ATP8B2: variants seen among roughly 807,000 people sequenced by gnomAD.
ATP8B2 encodes the protein phospholipid-transporting ATPase ID.
A neutral mutation model predicts 133.4 loss-of-function variants in ATP8B2; 70 were observed. That is an observed-to-expected ratio of 0.52 (90% confidence interval 0.43 to 0.64). ATP8B2 has a LOEUF of 0.64. ATP8B2 is among the 30% of genes least tolerant of loss of function. The pLI is 0.00. For missense variants in ATP8B2, 1,101 were observed against 1,535.7 expected (o/e 0.72, Z 4.73); for synonymous variants, 517 against 589.5 (o/e 0.88, Z 1.78).
chr1:154,328,432 C>A lies in ATP8B2; in HGVS notation c.31+260C>A, dbSNP rs942671313. ...TCTTATCTTCGGGCACCTGCAGCTCCTGCTTTCTGGCCTAGGGAGCTGTGT... is the reference window on the plus strand; with the variant it reads ...TCTTATCTTCGGGCACCTGCAGCTCATGCTTTCTGGCCTAGGGAGCTGTGT... On this transcript the variant is annotated intron_variant, in intron 2 of 27. Transcript: ENST00000368489. This position sits in a 1 kb window ranked among gnomAD's most constrained non-coding sequence, Gnocchi z 4.6. Among the ~76,000 whole-genome samples the A allele has an allele frequency of 3.3e-5, 5 of 152,208 alleles. No individual in the cohort carries two copies. Among genetic ancestry groups the A allele is most frequent in the Non-Finnish European group, 5.9e-5 (4 of 68,040 alleles).
chr1:154,334,951 AGG>A lies in ATP8B2; in HGVS notation c.837+361_837+362del, dbSNP rs1686125527. On this transcript the variant is annotated intron_variant, in intron 11 of 27. Transcript: ENST00000368489. This position sits in a 1 kb window ranked among gnomAD's most constrained non-coding sequence, Gnocchi z 4.6. ...TAAAAGAAAAATTTCCATTTGGAAG[AGG>A]TTGGCAGGGTCTTTTCCCCCCAACT... Among the ~76,000 whole-genome samples the A allele has an allele frequency of 6.6e-6, 1 of 152,198 alleles. No homozygotes were observed. Among genetic ancestry groups the A allele is most frequent in the African/African-American group, 2.4e-5 (1 of 41,444 alleles).
rs1177089822 is a variant in ATP8B2, at chr1:154,343,608, A to C, written c.1758+40A>C. On this transcript the variant is annotated intron_variant, in intron 17 of 27. Coordinates refer to ENST00000368489, the MANE Select transcript of ATP8B2 (RefSeq NM_001370597.1). The surrounding 1 kb of genome is among the most constrained non-coding windows in gnomAD (Gnocchi z 5.8). ...AGGAGGGGCCAGCCTGGGGGGTTCT[A>C]CTCTTAGTGTGGGGGAGGCGACTTA... 1 of 1,577,810 alleles carries C rather than the reference A, an allele frequency of 6.3e-7. No homozygotes were observed. The highest frequency in any genetic ancestry group is 1.7e-5 in the Admixed American group (1 of 59,518).
chr1:154,335,414 A>G (rs1255114226), intron 11 of ATP8B2, among the ~76,000 whole-genome samples: 3 of 152,214 alleles, frequency 2.0e-5, no homozygotes, highest in African/African-American at 7.2e-5. Flanking sequence ...AATCTAGACC[A>G]GGAGTGGTGG....
chr1:154,343,992 C>G lies in ATP8B2; in HGVS notation c.1858C>G (p.Leu620Val), dbSNP rs777334098. ...EWAERRLQAS[L>V]AQDSREDRLA... ...GGCTGAGCGACGCCTCCAGGCCAGC[C>G]TGGCCCAGGACAGCCGGGAGGACAG... The change falls in exon 18 of 28, where the codon CTG (leucine) becomes GTG (valine). Residue 620 changes from leucine to valine, a missense_variant. Leu to Val is a conservative substitution (Grantham distance 32). Coordinates refer to ENST00000368489, the MANE Select transcript of ATP8B2 (RefSeq NM_001370597.1). This position sits in a 1 kb window ranked among gnomAD's most constrained non-coding sequence, Gnocchi z 5.8. 5.0e-6 allele frequency: 8 copies of G among 1,614,046 alleles called. No homozygotes were observed. Among genetic ancestry groups the G allele is most frequent in the African/African-American group, 1.3e-5 (1 of 75,050 alleles).
intron 1 of ATP8B2, chr1:154,327,904 G>T (rs1489640382): frequency 6.3e-7 from 1 of 1,588,904 alleles, no homozygotes; most frequent in Admixed American, 1.7e-5. Flanking sequence ...GTCACCCAAG[G>T]CAGGGGCATG....
intron 1 of ATP8B2, among the ~76,000 whole-genome samples, 196 bp downstream of exon 1, chr1:154,325,898 T>G (rs1205591): frequency 0.87 from 131,618 of 151,992 alleles, 57,344 homozygotes; most frequent in South Asian, 0.97. Context: ...GCTGTCGGGT[T>G]CCCGGGGACG....
At position 154,344,871 on chromosome 1, in the gene ATP8B2, T is replaced by A; in HGVS notation, c.2286+86T>A. On this transcript the variant is annotated intron_variant, in intron 21 of 27. Coordinates refer to ENST00000368489, the MANE Select transcript of ATP8B2 (RefSeq NM_001370597.1). This position sits in a 1 kb window ranked among gnomAD's most constrained non-coding sequence, Gnocchi z 4.1. ...TTTTATATCTTGTTCTAATTTCCCC[T>A]GATTTCAGAGAAGACTGGTCTCAAA... The A allele has an allele frequency of 1.9e-6, 3 of 1,543,944 alleles. No homozygotes were observed. The highest frequency in any genetic ancestry group is 2.6e-6 in the Non-Finnish European group (3 of 1,143,940).
At position 154,346,136 on chromosome 1, in the gene ATP8B2, A is replaced by T; in HGVS notation, c.2779-95A>T. ...CTAGCTGCCAAAGACTTTGGAAAGG[A>T]GGAGGCAGGGACAGAGTCAGAGTCT... On this transcript the variant is annotated intron_variant, in intron 24 of 27. Transcript: ENST00000368489. The surrounding 1 kb of genome is among the most constrained non-coding windows in gnomAD (Gnocchi z 4.5). The T allele has an allele frequency of 3.3e-6, 5 of 1,517,766 alleles. No individual in the cohort carries two copies. The South Asian group carries it at 6.3e-5, about 19-fold the overall frequency. The allele number at this position is 1,517,766 out of a possible 1,614,324, so 94.0% of individuals were successfully genotyped here.
intron 13 of ATP8B2, 93 bp from the exon 14 acceptor site, chr1:154,342,365 CGATTAGGGTTGAGGGGCTCAGT>C: frequency 4.9e-6 from 5 of 1,029,312 alleles, no homozygotes; most frequent in Non-Finnish European, 7.6e-6. Context: ...AGCTGCTCAG[CGATTAGGGTTGAGGGGCTCAGT>C]GCCTACGGGG....
At position 154,343,007 on chromosome 1, in the gene ATP8B2, T is replaced by G; in HGVS notation, c.1453+46T>G. 3.1e-6 allele frequency: 5 copies of G among 1,606,420 alleles called. No homozygotes were observed. Among genetic ancestry groups the G allele is most frequent in the Non-Finnish European group, 4.3e-6 (5 of 1,175,288 alleles). On this transcript the variant is annotated intron_variant, in intron 15 of 27. Coordinates refer to ENST00000368489, the MANE Select transcript of ATP8B2 (RefSeq NM_001370597.1). The surrounding 1 kb of genome is among the most constrained non-coding windows in gnomAD (Gnocchi z 5.8). ...GCACTCTCCTGACCTGACTCTGCCC[T>G]TGGGCTCTGCTCTGCTCTGCAATGC... is the stretch of plus-strand genomic sequence containing the variant.
chr1:154,331,031 C>T lies in ATP8B2; in HGVS notation c.205-17C>T, dbSNP rs759811665. The T allele has an allele frequency of 3.1e-6, 5 of 1,610,950 alleles. No individual in the cohort carries two copies. In the South Asian group the frequency reaches 5.5e-5, roughly 18 times the overall value. On this transcript the variant is annotated splice_polypyrimidine_tract_variant and intron_variant, in intron 4 of 27. Transcript: ENST00000368489. This position sits in a 1 kb window ranked among gnomAD's most constrained non-coding sequence, Gnocchi z 4.8. ...CAGATGGGGCCTCAGAGGCATACTT[C>T]TCTTTCTTTTTTTCAGTTGATCCCC... is the stretch of plus-strand genomic sequence containing the variant.
Position 154,349,301 on chromosome 1 carries a change from C to T in ATP8B2, c.*183C>T. The T allele has an allele frequency of 1.2e-6, 1 of 869,194 alleles. No individual in the cohort carries two copies. Among genetic ancestry groups the T allele is most frequent in the Non-Finnish European group, 1.7e-6 (1 of 582,276 alleles). The allele number at this position is 869,194 out of a possible 1,614,324, so 53.8% of individuals were successfully genotyped here. ...TGTTCCCAGCTGTAGGCCCTTCCAC[C>T]AGCTGGGGAGCTAGAGGGAGCAGGC... is the stretch of plus-strand genomic sequence containing the variant. On this transcript the variant is annotated 3_prime_UTR_variant, in exon 28 of 28. Coordinates refer to ENST00000368489, the MANE Select transcript of ATP8B2 (RefSeq NM_001370597.1).
At chr1:154,339,867 G>A (rs768687424) in intron 12 of ATP8B2, among the ~76,000 whole-genome samples, 2 of 152,132 alleles carry the variant, frequency 1.3e-5, no homozygotes, top group Admixed American at 1.3e-4. Context: ...AAGAGGATAC[G>A]AACAGACCTG....
rs1353271203 is a variant in ATP8B2, at chr1:154,337,424, G to A, written c.914G>A (p.Arg305His). The A allele has an allele frequency of 8.7e-6, 14 of 1,614,146 alleles. No homozygotes were observed. Among genetic ancestry groups the A allele is most frequent in the South Asian group, 5.5e-5 (5 of 91,084 alleles). Residue 305 changes from arginine to histidine, a missense_variant, in exon 12 of 28, where the codon CGT (arginine) becomes CAT (histidine). Physicochemically the swap from Arg to His is conservative, Grantham distance 29. Transcript: ENST00000368489. ...ATCTGGGAGCACGAGGTGGGGATGC[G>A]TTTCCAGGTCTACCTGCCGTGGGAT... ...NAIWEHEVGM[R>H]FQVYLPWDEA...
intron 8 of ATP8B2, 135 bp downstream of exon 8, chr1:154,332,159 A>G: frequency 1.2e-6 from 1 of 815,028 alleles, no homozygotes; most frequent in Non-Finnish European, 2.0e-6. Flanking sequence ...TTTGGATGGG[A>G]TGTGTGAAGT....
chr1:154,331,633 C>T lies in ATP8B2; in HGVS notation c.393C>T (p.Val131=), dbSNP rs1300747445. 1.2e-6 allele frequency: 2 copies of T among 1,614,082 alleles called. No individual in the cohort carries two copies. The highest frequency in any genetic ancestry group is 1.7e-6 in the Non-Finnish European group (2 of 1,180,058). The part of the protein sequence containing the change: ...GILQQEQWMN[V]CVGDIIKLEN... Reference sequence around the variant, plus strand: ...TCCAGCAGGAGCAGTGGATGAATGTCTGTGTTGGTGATATTATCAAGCTAG... The same window carrying T: ...TCCAGCAGGAGCAGTGGATGAATGTTTGTGTTGGTGATATTATCAAGCTAG... Residue 131 remains valine, a synonymous_variant, in exon 7 of 28, where the codon GTC becomes GTT. Coordinates refer to ENST00000368489, the MANE Select transcript of ATP8B2 (RefSeq NM_001370597.1). This position sits in a 1 kb window ranked among gnomAD's most constrained non-coding sequence, Gnocchi z 4.8.
chr1:154,339,347 G>C (rs759994337), intron 12 of ATP8B2, among the ~76,000 whole-genome samples: 1 of 152,120 alleles, frequency 6.6e-6, no homozygotes, highest in Non-Finnish European at 1.5e-5. Flanking sequence ...GTTTTCCCAC[G>C]TGAAACAGGA....
In ATP8B2 at chr1:154,331,074, C is replaced by T. The variant is rs1457186547; in HGVS notation, c.231C>T (p.Ser77=). ...TGATCCCCCAGATCTCTTCCCTGTCCTGGTTCACCACCATTGTGCCTTTGG... is the reference window on the plus strand; with the variant it reads ...TGATCCCCCAGATCTCTTCCCTGTCTTGGTTCACCACCATTGTGCCTTTGG... ...LQLIPQISSL[S]WFTTIVPLVL... Residue 77 remains serine, a synonymous_variant, in exon 5 of 28, where the codon TCC becomes TCT. Coordinates refer to ENST00000368489, the MANE Select transcript of ATP8B2 (RefSeq NM_001370597.1). This position sits in a 1 kb window ranked among gnomAD's most constrained non-coding sequence, Gnocchi z 4.8. 1.9e-6 allele frequency: 3 copies of T among 1,614,108 alleles called. No individual in the cohort carries two copies. The highest frequency in any genetic ancestry group is 1.7e-6 in the Non-Finnish European group (2 of 1,179,978).
chr1:154,344,104 C>G lies in ATP8B2; in HGVS notation c.1924-39C>G. On this transcript the variant is annotated intron_variant, in intron 18 of 27. Transcript: ENST00000368489. The surrounding 1 kb of genome is among the most constrained non-coding windows in gnomAD (Gnocchi z 4.1). The stretch of plus-strand genomic sequence containing the variant: ...AAGGATGGGCACGGAGGGCTCATGC[C>G]TGCAATTCTTGTGCCAGGAATCCTT... 1 of 1,614,220 alleles carries G rather than the reference C, an allele frequency of 6.2e-7. No individual in the cohort carries two copies. Among genetic ancestry groups the G allele is most frequent in the Non-Finnish European group, 8.5e-7 (1 of 1,180,024 alleles).
Sources: gnomAD v4.1 joint callset for allele counts (sites outside exome capture counted in the v4.1 genomes callset) on GRCh38, gnomAD v4.1.1 for gene constraint, Gnocchi (gnomAD v3.1) non-coding constraint, MANE v1.5 for transcripts, NCBI Gene and HGNC (gene_info 2026-07-23, HGNC 2026-07-21) for gene names.